Variants in SLC38A1 observed in about 807,000 individuals in gnomAD.
The protein encoded by SLC38A1 is sodium-coupled neutral amino acid symporter 1.
A neutral mutation model predicts 60.3 loss-of-function variants in SLC38A1; 18 were observed. That is an observed-to-expected ratio of 0.30 (90% CI 0.21 to 0.44). SLC38A1 has a LOEUF of 0.44. Among genes scored for constraint, SLC38A1 ranks in the 20% least tolerant of loss-of-function variants. The probability of loss-of-function intolerance (pLI) is 1.00; values close to 1 mark genes in which losing one functional copy is unlikely to be tolerated. For synonymous variants in SLC38A1, 196 were observed against 212.1 expected, an observed-to-expected ratio of 0.92 and a Z score of 0.66; for missense variants, 448 against 587.2, an observed-to-expected ratio of 0.76 and a Z score of 2.45.
At chr12:46,205,296 TA>T (rs1939843880) in intron 9 of SLC38A1, among the ~76,000 whole-genome samples, 1 of 152,082 alleles carries the variant, frequency 6.6e-6, no homozygotes, top group Non-Finnish European at 1.5e-5. Context: ...ATTAAGTAGT[TA>T]AAAAAATCTA....
At chr12:46,267,473 C>A (rs991765525) in intron 1 of SLC38A1, 2 of 152,386 alleles carry the variant, frequency 1.3e-5, no homozygotes, top group Non-Finnish European at 1.5e-5. Context: ...CCTTTTGCTG[C>A]CATATGCACT....
chr12:46,230,676 T>C (rs1941040779), intron 3 of SLC38A1, among the ~76,000 whole-genome samples: 1 of 152,164 alleles, frequency 6.6e-6, no homozygotes, highest in South Asian at 2.1e-4. Flanking sequence ...GAAGTAAGAA[T>C]TTAAAATGCT....
At chr12:46,196,034 C>G in intron 16 of SLC38A1, 1 of 998,970 alleles carries the variant, frequency 1.0e-6, no homozygotes, top group Non-Finnish European at 1.5e-6. Flanking sequence ...TCTTCTACAT[C>G]GATCTTGCTG....
chr12:46,257,159 A>C (rs1042450212), intron 1 of SLC38A1, among the ~76,000 whole-genome samples: 7 of 152,164 alleles, frequency 4.6e-5, no homozygotes, highest in African/African-American at 1.7e-4. Flanking sequence ...CCTTTTAGGG[A>C]GGAAAAAGCA....
At chr12:46,235,024 C>T (rs1941211255) in intron 3 of SLC38A1, among the ~76,000 whole-genome samples, 1 of 152,090 alleles carries the variant, frequency 6.6e-6, no homozygotes, top group Non-Finnish European at 1.5e-5. Context: ...ATTTAATTAA[C>T]CATTAGGTAG....
intron 3 of SLC38A1, among the ~76,000 whole-genome samples, chr12:46,235,573 T>A (rs1421141269): frequency 6.6e-6 from 1 of 151,990 alleles, no homozygotes; most frequent in East Asian, 1.9e-4. Context: ...ACAGGAGAAA[T>A]GAAAGCAAGA....
intron 1 of SLC38A1, among the ~76,000 whole-genome samples, chr12:46,263,038 T>A (rs941997353): frequency 6.6e-6 from 1 of 152,224 alleles, no homozygotes; most frequent in Non-Finnish European, 1.5e-5. Flanking sequence ...TCTTGAATAG[T>A]TGCCTTTGTA....
intron 3 of SLC38A1, among the ~76,000 whole-genome samples, chr12:46,238,018 G>T (rs951940162): frequency 1.3e-5 from 2 of 151,790 alleles, no homozygotes; most frequent in African/African-American, 4.9e-5. Flanking sequence ...ATTTTAGACA[G>T]ACCTGTGTGT....
chr12:46,244,405 T>C (rs935986525), intron 1 of SLC38A1, among the ~76,000 whole-genome samples: 18 of 152,222 alleles, frequency 1.2e-4, no homozygotes, highest in African/African-American at 3.6e-4. Context: ...AGTCCAGTTC[T>C]ATAAAGGACA....
chr12:46,197,215 C>T (rs914945031), intron 16 of SLC38A1, among the ~76,000 whole-genome samples: 7 of 152,102 alleles, frequency 4.6e-5, no homozygotes, highest in African/African-American at 1.2e-4. Flanking sequence ...GAGGGCCGGG[C>T]GCGATGGCTC....
chr12:46,213,866 A>AAC (rs1231928156), intron 5 of SLC38A1, among the ~76,000 whole-genome samples: 1 of 152,200 alleles, frequency 6.6e-6, no homozygotes, highest in African/African-American at 2.4e-5. Flanking sequence ...TTCAACATCA[A>AAC]ACACACACAT....
intron 3 of SLC38A1, among the ~76,000 whole-genome samples, chr12:46,234,446 C>CTTTTTT (rs397791217): frequency 2.1e-4 from 29 of 140,710 alleles, no homozygotes; most frequent in African/African-American, 4.8e-4. Flanking sequence ...TTCTTTCTTT[C>CTTTTTT]TTTTTTTTTT....
chr12:46,194,626 C>A (rs552760360), intron 16 of SLC38A1, among the ~76,000 whole-genome samples: 11 of 152,234 alleles, frequency 7.2e-5, no homozygotes, highest in African/African-American at 2.6e-4. Context: ...AGGCTTTGTT[C>A]ATTTCTTTTC....
At chr12:46,189,576 T>C (rs959046095) in intron 16 of SLC38A1, among the ~76,000 whole-genome samples, 2 of 152,186 alleles carry the variant, frequency 1.3e-5, no homozygotes, top group Non-Finnish European at 2.9e-5. Context: ...CTAAGTTACC[T>C]GAAGGGCTGA....
chr12:46,199,908 T>C (rs1939575783), intron 13 of SLC38A1, among the ~76,000 whole-genome samples: 1 of 152,182 alleles, frequency 6.6e-6, no homozygotes, highest in African/African-American at 2.4e-5. Flanking sequence ...GAACCATAAG[T>C]TATAATACCA....
intron 16 of SLC38A1, 130 bp from the exon 17 acceptor site, chr12:46,189,201 T>A: frequency 1.6e-6 from 1 of 621,374 alleles, no homozygotes; most frequent in Non-Finnish European, 2.9e-6. Context: ...GTCACAACCA[T>A]GGCTGAACTG....
intron 5 of SLC38A1, among the ~76,000 whole-genome samples, chr12:46,228,827 C>A (rs1310137740): frequency 6.6e-6 from 1 of 152,120 alleles, no homozygotes; most frequent in African/African-American, 2.4e-5. Flanking sequence ...GGGTTAAACA[C>A]CTCTTAATAT....
rs1435910188 is a variant in SLC38A1 at position 46,198,153 on chromosome 12, A to G, written c.1123-93T>C. The G allele has an allele frequency of 2.2e-6, 3 of 1,348,296 alleles. No individual in the cohort carries two copies. In the African/African-American group the frequency reaches 4.4e-5, roughly 20 times the overall value. The allele number at this position is 1,348,296 out of a possible 1,614,324, so 83.5% of individuals were successfully genotyped here. Reference sequence around the variant, plus strand: ...AGTAACTGATTTATTGGTGCACAGGAATTCATGAAATGTTTTGTAATGCCT... The same window carrying G: ...AGTAACTGATTTATTGGTGCACAGGGATTCATGAAATGTTTTGTAATGCCT... On this transcript the variant is annotated intron_variant, in intron 14 of 16. Coordinates refer to ENST00000398637, the MANE Select transcript of SLC38A1 (RefSeq NM_030674.4).
Position 46,183,458 on chromosome 12 carries a change from G to C in SLC38A1, c.*5512C>G, listed in dbSNP as rs1308035834. 2.0e-5 allele frequency: 3 copies of C among 152,068 alleles called. No individual in the cohort carries two copies. Among genetic ancestry groups the C allele is most frequent in the African/African-American group, 7.2e-5 (3 of 41,428 alleles). The allele number at this position is 152,068 out of a possible 1,614,324, so 9.4% of individuals were successfully genotyped here. A position where few individuals can be genotyped will look rare whatever the true frequency, so the allele number is the denominator to read the frequency against. ...GACTTTCAAAGCTTGATTAGATAAT[G>C]GTTCTTTGTTTTCTTTCCTTCAAAT... is the stretch of plus-strand genomic sequence containing the variant. On this transcript the variant is annotated 3_prime_UTR_variant, in exon 17 of 17. Transcript: ENST00000398637.
Sources: allele counts gnomAD v4.1 joint callset (sites outside exome capture counted in the v4.1 genomes callset), GRCh38; gene constraint gnomAD v4.1.1; transcripts MANE v1.5; gene names NCBI Gene and HGNC (gene_info 2026-07-23, HGNC 2026-07-21).